Variants in PARD3B observed in about 807,000 individuals in gnomAD.
PARD3B encodes the protein par-3 family cell polarity regulator beta, also known as partitioning defective 3 homolog B.
PARD3B carries 103 observed loss-of-function variants against 130.2 expected under a neutral mutation model. The ratio of observed to expected loss-of-function variants is 0.79; its 90% CI spans 0.67 to 0.93. PARD3B has a LOEUF of 0.93. Among genes scored for constraint, PARD3B ranks in the 40% least tolerant of loss-of-function variants. The pLI, the probability that PARD3B is intolerant of heterozygous loss-of-function variation, is 0.00. For synonymous variants in PARD3B, 583 were observed against 553.2 expected (o/e 1.05, Z -0.76); for missense variants, 1,609 against 1,499.2 (o/e 1.07, Z -1.21).
rs926541587 is a variant in PARD3B, at chr2:204,577,380, C to A, written c.120+31261C>A. 3.3e-5 allele frequency among the ~76,000 whole-genome samples: 5 copies of A among 152,270 alleles called. 1 individual carries two copies. The Middle Eastern group carries it at 0.01, about 311-fold the overall frequency. On this transcript the variant is annotated intron_variant, in intron 1 of 22. Transcript: ENST00000406610. ...TATTTTGTAGGTGGGTAAACTGAGT[C>A]TTAGAGGTTTAGTACCTAGCCCATG...
At chr2:204,878,519 C>T (rs940757911) in intron 2 of PARD3B, among the ~76,000 whole-genome samples, 17 of 151,818 alleles carry the variant, frequency 1.1e-4, no homozygotes, top group Admixed American at 4.6e-4. Context: ...TATGGTAATG[C>T]GTGTTTTTAT....
At chr2:204,730,198 C>T (rs1388455742) in intron 2 of PARD3B, among the ~76,000 whole-genome samples, 2 of 152,022 alleles carry the variant, frequency 1.3e-5, no homozygotes, top group Non-Finnish European at 2.9e-5. Flanking sequence ...CATCAGCCTC[C>T]CGAGTAGCTG....
In PARD3B at chr2:205,615,738, T is replaced by A. The variant is rs754792526; in HGVS notation, c.3543T>A (p.Arg1181=). Residue 1181 remains arginine (R), a synonymous_variant, in exon 23 of 23, where the codon CGT becomes CGA. Transcript: ENST00000406610. ...AGGAAACAGGCAGACCAGGGCCCCG[T>A]GGGGGCAGCCCAGACCAGTACCCTT... ...AYQETGRPGP[R]GGSPDQYPYR... 6.8e-6 allele frequency: 11 copies of A among 1,613,698 alleles called. No homozygotes were observed. The highest frequency in any genetic ancestry group is 9.3e-6 in the Non-Finnish European group (11 of 1,179,962).
chr2:205,222,961 G>T (rs973133540), intron 15 of PARD3B, among the ~76,000 whole-genome samples: 6 of 152,138 alleles, frequency 3.9e-5, no homozygotes, highest in Non-Finnish European at 7.3e-5. Flanking sequence ...CCTTCATTGA[G>T]GTTGTCCATA....
At chr2:205,566,074 A>G (rs1054038208) in intron 22 of PARD3B, among the ~76,000 whole-genome samples, 3 of 152,222 alleles carry the variant, frequency 2.0e-5, no homozygotes, top group African/African-American at 7.2e-5. Flanking sequence ...GGCCTTGTGT[A>G]GGAGAACACG....
chr2:205,494,861 G>A (rs1025482516), intron 20 of PARD3B, among the ~76,000 whole-genome samples: 45 of 152,148 alleles, frequency 3.0e-4, no homozygotes, highest in African/African-American at 8.4e-4. Flanking sequence ...CAGTGTGCTC[G>A]TGTGTAAAAT....
At chr2:205,542,036 G>T (rs150673765) in intron 21 of PARD3B, among the ~76,000 whole-genome samples, 5,976 of 150,440 alleles carry the variant, frequency 0.04, 396 homozygotes, top group African/African-American at 0.14. Context: ...TCAGCTACTC[G>T]GGAAGCTGAG....
At chr2:204,868,013 G>A (rs1224863459) in intron 2 of PARD3B, among the ~76,000 whole-genome samples, 1 of 152,134 alleles carries the variant, frequency 6.6e-6, no homozygotes, top group Non-Finnish European at 1.5e-5. Context: ...GGGTCTGAGG[G>A]ACTGTGAGTG....
intron 18 of PARD3B, among the ~76,000 whole-genome samples, chr2:205,356,614 G>C (rs2044201251): frequency 6.6e-6 from 1 of 152,154 alleles, no homozygotes; most frequent in African/African-American, 2.4e-5. Flanking sequence ...ATTCTGGCCA[G>C]CCGTGATGGC....
Position 204,675,499 on chromosome 2 carries a change from T to A in PARD3B, c.121-10682T>A, listed in dbSNP as rs1320995531. Among the ~76,000 whole-genome samples the A allele has an allele frequency of 6.6e-6, 1 of 152,108 alleles. No individual in the cohort carries two copies. The highest frequency in any genetic ancestry group is 1.5e-5 in the Non-Finnish European group (1 of 67,996). ...CTGTAGGAAAATGAAATTTCTATAT[T>A]CTTATAAAGTCAGTGTCTTGAGATG... is the stretch of plus-strand genomic sequence containing the variant. On this transcript the variant is annotated intron_variant, in intron 1 of 22. Transcript: ENST00000406610. This position sits in a 1 kb window ranked among gnomAD's most constrained non-coding sequence, Gnocchi z 4.4.
chr2:204,553,210 C>G (rs997850183), intron 1 of PARD3B, among the ~76,000 whole-genome samples: 7 of 152,026 alleles, frequency 4.6e-5, no homozygotes, highest in Non-Finnish European at 1.0e-4. Flanking sequence ...CAATGTGATA[C>G]CACCTCACTC....
chr2:205,052,535 T>C (rs1217300250), intron 4 of PARD3B, among the ~76,000 whole-genome samples: 5 of 150,112 alleles, frequency 3.3e-5, no homozygotes, highest in Non-Finnish European at 7.4e-5. Flanking sequence ...GTTAACTCTC[T>C]GAAGTTTTAT....
intron 21 of PARD3B, among the ~76,000 whole-genome samples, chr2:205,510,502 A>G (rs2050549729): frequency 6.6e-6 from 1 of 152,172 alleles, no homozygotes; most frequent in Admixed American, 6.5e-5. Context: ...GTCATCAGGC[A>G]CTTTTAGCAA....
intron 22 of PARD3B, among the ~76,000 whole-genome samples, chr2:205,579,906 C>T (rs1388935478): frequency 6.6e-6 from 1 of 152,128 alleles, no homozygotes; most frequent in South Asian, 2.1e-4. Context: ...AAGCACCCTA[C>T]CTTGGACTGT....
chr2:205,487,820 C>T (rs1175452744), intron 20 of PARD3B, among the ~76,000 whole-genome samples: 6 of 152,186 alleles, frequency 3.9e-5, no homozygotes, highest in Admixed American at 2.0e-4. Flanking sequence ...TTGATTTAAG[C>T]CTAAAAGATA....
intron 15 of PARD3B, among the ~76,000 whole-genome samples, chr2:205,226,811 C>G (rs1432599869): frequency 6.6e-6 from 1 of 152,082 alleles, no homozygotes; most frequent in Non-Finnish European, 1.5e-5. Flanking sequence ...TAGTTTTGTT[C>G]AGTTTGCTCA....
At chr2:205,444,428 C>A (rs115860790) in intron 20 of PARD3B, among the ~76,000 whole-genome samples, 27 of 152,296 alleles carry the variant, frequency 1.8e-4, no homozygotes, top group African/African-American at 6.0e-4. Context: ...GTACTCCACC[C>A]TGGGTGACAG....
intron 4 of PARD3B, among the ~76,000 whole-genome samples, chr2:205,062,661 A>G (rs537736851): frequency 1.3e-5 from 2 of 152,300 alleles, no homozygotes; most frequent in Admixed American, 1.3e-4. Context: ...TGCATAAAAG[A>G]AGTAATGGAT....
chr2:205,121,517 A>G lies in PARD3B; in HGVS notation c.807-74A>G. 1 of 1,335,362 alleles carries G rather than the reference A, an allele frequency of 7.5e-7. No individual in the cohort carries two copies. The highest frequency in any genetic ancestry group is 1.0e-6 in the Non-Finnish European group (1 of 953,168). The allele number at this position is 1,335,362 out of a possible 1,614,324, so 82.7% of individuals were successfully genotyped here. A position where few individuals can be genotyped will look rare whatever the true frequency, so the allele number is the denominator to read the frequency against. On this transcript the variant is annotated intron_variant, in intron 7 of 22. Transcript: ENST00000406610. The surrounding 1 kb of genome is among the most constrained non-coding windows in gnomAD (Gnocchi z 5.0). ...AGCCACTGTGCTGCTCTTGGTTGCC[A>G]TCCTCCTGGGGTACTTTAGAAGATG... is the stretch of plus-strand genomic sequence containing the variant.
Sources: allele counts gnomAD v4.1 joint callset (sites outside exome capture counted in the v4.1 genomes callset), GRCh38; gene constraint gnomAD v4.1.1; non-coding constraint Gnocchi (gnomAD v3.1); transcripts MANE v1.5; gene names NCBI Gene and HGNC (gene_info 2026-07-23, HGNC 2026-07-21).